DPYD: variants seen among roughly 807,000 people sequenced by gnomAD.
The protein encoded by DPYD is dihydropyrimidine dehydrogenase [NADP(+)].
DPYD carries 109 observed loss-of-function variants against 116.2 expected under a neutral mutation model. The observed-to-expected ratio is 0.94, with a 90% CI of 0.80 to 1.10. DPYD has a LOEUF of 1.10. Among genes scored for constraint, DPYD ranks in the 50% least tolerant of loss-of-function variants. DPYD has a pLI of 0.00. For synonymous variants in DPYD, 440 were observed against 432.0 expected (o/e 1.02, Z -0.23); for missense variants, 1,302 against 1,254.5 (o/e 1.04, Z -0.57).
At chr1:97,102,417 A>ATATATATATATATATATATATATATG (rs1442061038) in intron 20 of DPYD, among the ~76,000 whole-genome samples, 2 of 142,886 alleles carry the variant, frequency 1.4e-5, no homozygotes, top group Non-Finnish European at 3.0e-5. Context: ...ATATATATAT[A>ATATATATATATATATATATATATATG]TATGTATATA....
chr1:97,872,547 A>G (rs936338407), intron 2 of DPYD, among the ~76,000 whole-genome samples: 1 of 151,942 alleles, frequency 6.6e-6, no homozygotes, highest in East Asian at 1.9e-4. Context: ...TTTTTAGTCA[A>G]TTATCATCTT....
At chr1:97,762,638 C>CG (rs1665639052) in intron 3 of DPYD, among the ~76,000 whole-genome samples, 1 of 152,086 alleles carries the variant, frequency 6.6e-6, no homozygotes, top group Non-Finnish European at 1.5e-5. Context: ...ATTCTCTCTC[C>CG]ACATTTATTC....
At chr1:97,866,052 T>A (rs1169105855) in intron 2 of DPYD, among the ~76,000 whole-genome samples, 1 of 151,944 alleles carries the variant, frequency 6.6e-6, no homozygotes, top group African/African-American at 2.4e-5. Flanking sequence ...AATTTGATAA[T>A]AGAAGAGATG....
At chr1:97,478,558 T>C (rs1443272031) in intron 13 of DPYD, among the ~76,000 whole-genome samples, 2 of 152,172 alleles carry the variant, frequency 1.3e-5, no homozygotes, top group African/African-American at 4.8e-5. Flanking sequence ...AGTAATGAGA[T>C]TACAGGCATG....
intron 13 of DPYD, among the ~76,000 whole-genome samples, chr1:97,476,721 C>A (rs1013805328): frequency 6.6e-6 from 1 of 151,806 alleles, no homozygotes; most frequent in Non-Finnish European, 1.5e-5. Context: ...TTAGCATTAT[C>A]GCAACAAAAA....
chr1:97,345,591 G>C (rs1358313849), intron 16 of DPYD, among the ~76,000 whole-genome samples: 1 of 151,876 alleles, frequency 6.6e-6, no homozygotes, highest in Non-Finnish European at 1.5e-5. Flanking sequence ...CGGGATGCGA[G>C]AAAATGCTTT....
At position 97,542,888 on chromosome 1, in the gene DPYD, T is replaced by C. The variant is rs1388350812; in HGVS notation, c.1524+6672A>G. Among the ~76,000 whole-genome samples the C allele has an allele frequency of 2.6e-5, 4 of 152,220 alleles. 1 individual carries two copies. Among genetic ancestry groups the C allele is most frequent in the Non-Finnish European group, 5.9e-5 (4 of 68,030 alleles). On this transcript the variant is annotated intron_variant, in intron 12 of 22. Coordinates refer to ENST00000370192, the MANE Select transcript of DPYD (RefSeq NM_000110.4). The stretch of plus-strand genomic sequence containing the variant: ...GCTTTTGCAACTACCTAAAATATCC[T>C]ATTTCAATATTCATCTGTTAAGACT...
chr1:97,079,180 G>T lies in DPYD; in HGVS notation c.2908-34C>A. The T allele has an allele frequency of 1.9e-6, 3 of 1,610,146 alleles. No individual in the cohort carries two copies. The South Asian group carries it at 3.3e-5, about 18-fold the overall frequency. On this transcript the variant is annotated intron_variant, in intron 22 of 22. Transcript: ENST00000370192. Reference sequence around the variant, plus strand: ...AGAAATAGAGGGTATTGATGTCACTGACCACAAAGGTCAACAATGTCCCCA... The same window carrying T: ...AGAAATAGAGGGTATTGATGTCACTTACCACAAAGGTCAACAATGTCCCCA...
At chr1:97,801,625 A>G (rs1411804892) in intron 3 of DPYD, among the ~76,000 whole-genome samples, 2 of 151,938 alleles carry the variant, frequency 1.3e-5, no homozygotes, top group Non-Finnish European at 2.9e-5. Context: ...GAACCTGAGA[A>G]GGTAACATTT....
At chr1:97,525,573 T>C (rs1427526873) in intron 12 of DPYD, among the ~76,000 whole-genome samples, 1 of 152,132 alleles carries the variant, frequency 6.6e-6, no homozygotes, top group Admixed American at 6.5e-5. Context: ...TTTTTCAAAT[T>C]AGTTTCCAGT....
chr1:97,639,878 G>T (rs535789361), intron 8 of DPYD, among the ~76,000 whole-genome samples: 1 of 152,082 alleles, frequency 6.6e-6, no homozygotes, highest in Admixed American at 6.6e-5. Flanking sequence ...AACAGATGAC[G>T]CAGAACATGC....
intron 11 of DPYD, among the ~76,000 whole-genome samples, chr1:97,572,318 C>T (rs1322531403): frequency 6.6e-6 from 1 of 151,790 alleles, no homozygotes; most frequent in African/African-American, 2.4e-5. Context: ...ATACACATGC[C>T]TGCGCGCACA....
Position 97,471,714 on chromosome 1 carries a change from G to A in DPYD, c.1741-21491C>T, listed in dbSNP as rs562134310. Reference sequence around the variant, plus strand: ...AGCGATTCTCCTGCCACAGCCTCCCGAGGTAGCTGGGATTACAGGCGCCCA... The same window carrying A: ...AGCGATTCTCCTGCCACAGCCTCCCAAGGTAGCTGGGATTACAGGCGCCCA... On this transcript the variant is annotated intron_variant, in intron 13 of 22. Coordinates refer to ENST00000370192, the MANE Select transcript of DPYD (RefSeq NM_000110.4). Among the ~76,000 whole-genome samples, 25 of 151,812 alleles carry A rather than the reference G, an allele frequency of 1.6e-4. No individual in the cohort carries two copies. The East Asian group carries it at 2.3e-3, about 14-fold the overall frequency.
At chr1:97,785,574 C>T (rs570791321) in intron 3 of DPYD, among the ~76,000 whole-genome samples, 1 of 151,086 alleles carries the variant, frequency 6.6e-6, no homozygotes, top group Admixed American at 6.6e-5. Flanking sequence ...ATGAATAGAA[C>T]CTAAATATGC....
chr1:97,583,056 C>T (rs1159632648), intron 10 of DPYD, among the ~76,000 whole-genome samples: 3 of 152,220 alleles, frequency 2.0e-5, no homozygotes, highest in Admixed American at 1.3e-4. Context: ...GCGAGCTCTG[C>T]CTCCCGGGTT....
intron 14 of DPYD, among the ~76,000 whole-genome samples, chr1:97,426,125 A>G (rs138545926): frequency 3.3e-5 from 5 of 152,176 alleles, no homozygotes; most frequent in East Asian, 3.9e-4. Flanking sequence ...TAGCAGAATC[A>G]GAAATTGGCT....
chr1:97,830,750 C>T (rs1050730105), intron 2 of DPYD, among the ~76,000 whole-genome samples: 4 of 151,436 alleles, frequency 2.6e-5, no homozygotes, highest in Non-Finnish European at 5.9e-5. Context: ...GACACGTGGA[C>T]ACTGAGAGAC....
chr1:97,223,347 A>G (rs1052541615), intron 19 of DPYD, among the ~76,000 whole-genome samples: 3 of 151,460 alleles, frequency 2.0e-5, no homozygotes, highest in South Asian at 4.2e-4. Flanking sequence ...AGGATTTTCT[A>G]TTAACTTTAG....
intron 10 of DPYD, among the ~76,000 whole-genome samples, chr1:97,575,380 T>C (rs967521092): frequency 6.6e-6 from 1 of 152,106 alleles, no homozygotes; most frequent in Non-Finnish European, 1.5e-5. Flanking sequence ...TTATACAGTA[T>C]ATCTATGGTA....
Sources: allele counts gnomAD v4.1 joint callset (sites outside exome capture counted in the v4.1 genomes callset), GRCh38; gene constraint gnomAD v4.1.1; transcripts MANE v1.5; gene names NCBI Gene and HGNC (gene_info 2026-07-23, HGNC 2026-07-21).